CDKN2B-AS1: variants seen among roughly 807,000 people sequenced by gnomAD.
CDKN2B-AS1 encodes the protein CDKN2B antisense RNA 1 (non-protein coding).
chr9:22,093,007 G>C (rs1825147699), intron 4 of CDKN2B-AS1, among the ~76,000 whole-genome samples: 1 of 152,178 alleles, frequency 6.6e-6, no homozygotes, highest in South Asian at 2.1e-4. Context: ...GTGTCCCAGA[G>C]ATTCTGGTAT....
At position 22,095,108 on chromosome 9, in the gene CDKN2B-AS1, C is replaced by T. The variant is rs538060576; in HGVS notation, n.439-31995C>T. Among the ~76,000 whole-genome samples the T allele has an allele frequency of 1.6e-4, 23 of 144,882 alleles. 3 individuals carry two copies. In the East Asian group the frequency reaches 2.2e-3, roughly 14 times the overall value. On this transcript the variant is annotated intron_variant and non_coding_transcript_variant, in intron 4 of 4. Transcript: ENST00000650946. ...ACGCTGTTTGCCTGGGTATCAGCAGCGGAGGCTGCAGAACGGCGAATGTTG... is the reference window on the plus strand; with the variant it reads ...ACGCTGTTTGCCTGGGTATCAGCAGTGGAGGCTGCAGAACGGCGAATGTTG...
At chr9:22,110,838 G>A (rs114920184) in intron 4 of CDKN2B-AS1, among the ~76,000 whole-genome samples, 1 of 151,924 alleles carries the variant, frequency 6.6e-6, no homozygotes, top group Admixed American at 6.6e-5. Context: ...ACATTAACTT[G>A]TTTTCTTTAG....
intron 3 of CDKN2B-AS1, among the ~76,000 whole-genome samples, chr9:22,054,004 G>A (rs528220518): frequency 6.6e-6 from 1 of 152,024 alleles, no homozygotes; most frequent in Non-Finnish European, 1.5e-5. Flanking sequence ...CCTGGGATAA[G>A]TTACTGACCC....
intron 1 of CDKN2B-AS1, among the ~76,000 whole-genome samples, chr9:22,040,059 C>G (rs2131262485): frequency 6.6e-6 from 1 of 152,146 alleles, no homozygotes; most frequent in Admixed American, 6.6e-5. Context: ...AAATTCTTCC[C>G]TGTAGCCTTG....
intron 4 of CDKN2B-AS1, chr9:22,077,534 A>G (rs1332403327): frequency 2.6e-5 from 4 of 152,236 alleles, no homozygotes; most frequent in Non-Finnish European, 5.9e-5. Context: ...AAATGAAAAT[A>G]AAATTTCAGC....
exon 2 of CDKN2B-AS1, chr9:22,046,835 T>C (rs998570837): frequency 6.6e-6 from 1 of 152,146 alleles, no homozygotes; most frequent in African/African-American, 2.4e-5. Flanking sequence ...GGCCACCAGA[T>C]ATATGTTATC....
intron 4 of CDKN2B-AS1, among the ~76,000 whole-genome samples, chr9:22,092,039 T>C (rs1298093401): frequency 6.6e-6 from 1 of 152,216 alleles, no homozygotes; most frequent in Non-Finnish European, 1.5e-5. Context: ...TGAAGGTTGT[T>C]GAATTTTGTC....
chr9:22,006,305 G>T lies in CDKN2B-AS1; in HGVS notation n.29+11144G>T, dbSNP rs2131182447. ...GTGGGGGCAGGTATGGGAGATGCCGGCCGGGGCAAGGCAGGTGGAGCCATT... is the reference window on the plus strand; with the variant it reads ...GTGGGGGCAGGTATGGGAGATGCCGTCCGGGGCAAGGCAGGTGGAGCCATT... On this transcript the variant is annotated intron_variant and non_coding_transcript_variant, in intron 1 of 4. Transcript: ENST00000650946. The surrounding 1 kb of genome is among the most constrained non-coding windows in gnomAD (Gnocchi z 6.4). 6.3e-7 allele frequency: 1 copy of T among 1,596,232 alleles called. No homozygotes were observed. The highest frequency in any genetic ancestry group is 2.2e-5 in the East Asian group (1 of 44,814).
At chr9:22,024,273 A>G (rs1272811219) in intron 1 of CDKN2B-AS1, among the ~76,000 whole-genome samples, 2 of 152,168 alleles carry the variant, frequency 1.3e-5, no homozygotes, top group Non-Finnish European at 2.9e-5. Context: ...TTGGGCCCCA[A>G]CTTTGTTCTC....
intron 1 of CDKN2B-AS1, among the ~76,000 whole-genome samples, chr9:22,017,040 C>T (rs1197344444): frequency 6.6e-6 from 1 of 152,082 alleles, no homozygotes; most frequent in Non-Finnish European, 1.5e-5. Flanking sequence ...CAATATATTC[C>T]AGTTTTATCT....
chr9:22,059,094 AC>A (rs1823695093), intron 4 of CDKN2B-AS1: 1 of 152,052 alleles, frequency 6.6e-6, no homozygotes, highest in African/African-American at 2.4e-5. Flanking sequence ...ACGTAATTTC[AC>A]CCCTGGCCCC....
chr9:22,066,028 C>G (rs545227744), intron 4 of CDKN2B-AS1, among the ~76,000 whole-genome samples: 1 of 152,166 alleles, frequency 6.6e-6, no homozygotes, highest in South Asian at 2.1e-4. Context: ...CCTTCATGTT[C>G]CCCTGGAAGG....
At chr9:22,085,809 C>A (rs149686444) in intron 4 of CDKN2B-AS1, among the ~76,000 whole-genome samples, 29 of 151,810 alleles carry the variant, frequency 1.9e-4, no homozygotes, top group African/African-American at 6.8e-4. Flanking sequence ...CTTTCTCTGA[C>A]CATGTCTAGA....
At chr9:22,036,360 A>T (rs1822688059) in intron 1 of CDKN2B-AS1, among the ~76,000 whole-genome samples, 2 of 152,248 alleles carry the variant, frequency 1.3e-5, no homozygotes, top group South Asian at 4.1e-4. Context: ...ATACTGTAAG[A>T]CACAATTCTT....
At chr9:22,057,312 G>T (rs1477496463) in intron 4 of CDKN2B-AS1, among the ~76,000 whole-genome samples, 12 of 152,012 alleles carry the variant, frequency 7.9e-5, no homozygotes, top group African/African-American at 2.9e-4. Flanking sequence ...AGATGCTATG[G>T]ATTAGATACA....
chr9:22,109,165 A>G (rs1466139366), intron 4 of CDKN2B-AS1, among the ~76,000 whole-genome samples: 2 of 152,202 alleles, frequency 1.3e-5, no homozygotes, highest in Admixed American at 6.5e-5. Flanking sequence ...AGTGTTTTGC[A>G]GGTCATGTCA....
At chr9:22,054,693 TTTTA>T (rs1326114366) in intron 3 of CDKN2B-AS1, among the ~76,000 whole-genome samples, 15 of 150,482 alleles carry the variant, frequency 1.0e-4, no homozygotes, top group South Asian at 6.2e-4. Flanking sequence ...TTTTTTTATT[TTTTA>T]TTTATTTTTT....
At chr9:22,089,535 A>C (rs1325617050) in intron 4 of CDKN2B-AS1, among the ~76,000 whole-genome samples, 1 of 152,074 alleles carries the variant, frequency 6.6e-6, no homozygotes, top group African/African-American at 2.4e-5. Flanking sequence ...GATTCAAGTG[A>C]TCTTCCCACC....
chr9:22,028,548 C>T (rs1339708181), intron 1 of CDKN2B-AS1, among the ~76,000 whole-genome samples: 1 of 151,866 alleles, frequency 6.6e-6, no homozygotes, highest in Admixed American at 6.6e-5. Flanking sequence ...ATGTTGACAC[C>T]CTAGTCTCAA....
Sources: allele counts gnomAD v4.1 joint callset (sites outside exome capture counted in the v4.1 genomes callset), GRCh38; gene constraint gnomAD v4.1.1; non-coding constraint Gnocchi (gnomAD v3.1); transcripts MANE v1.5; gene names NCBI Gene and HGNC (gene_info 2026-07-23, HGNC 2026-07-21).